CDC42BPB: variants seen among roughly 807,000 people sequenced by gnomAD.
CDC42BPB encodes the protein CDC42 binding protein kinase beta.
A neutral mutation model predicts 214.9 loss-of-function variants in CDC42BPB; 37 were observed. The ratio of observed to expected loss-of-function variants is 0.17; its 90% CI spans 0.13 to 0.23. The LOEUF (loss-of-function observed/expected upper bound fraction) is 0.23, where lower values mean the gene tolerates loss of function less well. Ranked by LOEUF, CDC42BPB falls within the 10% of genes least tolerant of loss-of-function variation. The pLI is 1.00. For missense variants in CDC42BPB, 1,694 were observed against 2,227.0 expected, an observed-to-expected ratio of 0.76 and a Z score of 4.82; for synonymous variants, 931 against 884.0, an observed-to-expected ratio of 1.05 and a Z score of -0.94.
intron 27 of CDC42BPB, chr14:102,946,902 T>TG: frequency 1.0e-6 from 1 of 983,742 alleles, no homozygotes; most frequent in Non-Finnish European, 1.2e-6. Context: ...TGAGATCGCT[T>TG]CCTGGTCCCA....
intron 1 of CDC42BPB, among the ~76,000 whole-genome samples, chr14:103,018,720 G>T (rs570337995): frequency 6.6e-6 from 1 of 152,192 alleles, no homozygotes; most frequent in South Asian, 2.1e-4. Flanking sequence ...ATTACATCAC[G>T]TAGTTAGTGC....
At chr14:102,942,336 G>A (rs537847804) in intron 30 of CDC42BPB, among the ~76,000 whole-genome samples, 3 of 152,344 alleles carry the variant, frequency 2.0e-5, no homozygotes, top group South Asian at 2.1e-4. Flanking sequence ...GTCTAGCCAC[G>A]ACGCCCTGGG....
rs564439648 is a variant in CDC42BPB at position 102,934,167 on chromosome 14, T to C, written c.5005-324A>G. ...ATCCCAGCACTTTGGGAGGCCAAGG[T>C]GGGTGGATCACACTTGAGGTCAGGA... On this transcript the variant is annotated intron_variant, in intron 36 of 36. Coordinates refer to ENST00000361246, the MANE Select transcript of CDC42BPB (RefSeq NM_006035.4). 8.8e-5 allele frequency: 32 copies of C among 363,312 alleles called. No homozygotes were observed. In the East Asian group the frequency reaches 2.8e-3, roughly 31 times the overall value. The allele number at this position is 363,312 out of a possible 1,614,324, so 22.5% of individuals were successfully genotyped here. A position where few individuals can be genotyped will look rare whatever the true frequency, so the allele number is the denominator to read the frequency against.
At chr14:102,937,471 GGA>G (rs1202767655) in intron 36 of CDC42BPB, among the ~76,000 whole-genome samples, 1 of 152,242 alleles carries the variant, frequency 6.6e-6, no homozygotes, top group East Asian at 1.9e-4. Context: ...GATGTGTGGT[GGA>G]GAGATGAGCA....
intron 5 of CDC42BPB, among the ~76,000 whole-genome samples, chr14:102,998,326 T>C (rs1894832462): frequency 1.3e-5 from 2 of 152,174 alleles, no homozygotes; most frequent in Admixed American, 6.5e-5. Flanking sequence ...TTAAGACACA[T>C]GAAGGCAGAT....
At chr14:102,947,865 C>T (rs555782490) in intron 26 of CDC42BPB, 63 bp from the exon 27 acceptor site, 24 of 1,600,032 alleles carry the variant, frequency 1.5e-5, no homozygotes, top group Admixed American at 6.7e-5. Flanking sequence ...GGCCCTCCCA[C>T]GCCCTGCCCT....
chr14:102,954,641 C>G lies in CDC42BPB; in HGVS notation c.2949G>C (p.Ala983=), dbSNP rs149077999. ...ATGCAGCCACAGACATCGACGGGGA[C>G]GCTTCTGGCTTCGGAGCTTGTGTTT... ...EQETQAPKPE[A]SPSMSVAASE... is the part of the protein sequence containing the mutation. Residue 983 remains alanine (A), a synonymous_variant, in exon 22 of 37, where the codon GCG becomes GCC. Coordinates refer to ENST00000361246, the MANE Select transcript of CDC42BPB (RefSeq NM_006035.4). The G allele has an allele frequency of 6.2e-7, 1 of 1,613,996 alleles. No homozygotes were observed. Among genetic ancestry groups the G allele is most frequent in the South Asian group, 1.1e-5 (1 of 91,064 alleles).
At position 102,938,113 on chromosome 14, in the gene CDC42BPB, A is replaced by C; in HGVS notation, c.4995T>G (p.Phe1665Leu). Residue 1665 changes from phenylalanine (F) to leucine (L), a missense_variant, in exon 36 of 37, where the codon TTT (phenylalanine) becomes TTG (leucine). Coordinates refer to ENST00000361246, the MANE Select transcript of CDC42BPB (RefSeq NM_006035.4). ...LRSMSDPDQD[F>L]DKEPDSDSTK... ...CCTGGGCAAGTCTCACCTCTTTGTCAAAGTCCTGGTCTGGATCAGACATAC... is the reference window on the plus strand; with the variant it reads ...CCTGGGCAAGTCTCACCTCTTTGTCCAAGTCCTGGTCTGGATCAGACATAC... 1 of 1,613,970 alleles carries C rather than the reference A, an allele frequency of 6.2e-7. No individual in the cohort carries two copies. Among genetic ancestry groups the C allele is most frequent in the African/African-American group, 1.3e-5 (1 of 75,054 alleles).
At chr14:102,996,425 C>G (rs1894740521) in intron 5 of CDC42BPB, among the ~76,000 whole-genome samples, 3 of 152,140 alleles carry the variant, frequency 2.0e-5, no homozygotes, top group Admixed American at 6.5e-5. Context: ...ACTAATTTCC[C>G]TGGAGATCTG....
In CDC42BPB at chr14:102,954,288, C is replaced by A. The variant is rs1290046685; in HGVS notation, c.2989-13G>T. The A allele has an allele frequency of 6.6e-7, 1 of 1,518,098 alleles. No homozygotes were observed. The highest frequency in any genetic ancestry group is 8.8e-7 in the Non-Finnish European group (1 of 1,135,060). The allele number at this position is 1,518,098 out of a possible 1,614,324, so 94.0% of individuals were successfully genotyped here. On this transcript the variant is annotated splice_polypyrimidine_tract_variant and intron_variant, in intron 22 of 36. Transcript: ENST00000361246. The stretch of plus-strand genomic sequence containing the variant: ...GCCGAGCCATGTCCTGGGAGACAAG[C>A]AGGACAGGTGAGTGTCGGCCCAGCT...
At chr14:102,954,824 T>G in intron 21 of CDC42BPB, 136 bp from the exon 22 acceptor site, 2 of 1,441,670 alleles carry the variant, frequency 1.4e-6, no homozygotes, top group Non-Finnish European at 9.2e-7. Context: ...TCCTGGATCC[T>G]ATCACCCCTT....
At position 103,004,301 on chromosome 14, in the gene CDC42BPB, A is replaced by G; in HGVS notation, c.352-278T>C. 1.6e-6 allele frequency: 1 copy of G among 609,802 alleles called. No individual in the cohort carries two copies. The highest frequency in any genetic ancestry group is 6.3e-5 in the East Asian group (1 of 15,756). The allele number at this position is 609,802 out of a possible 1,614,324, so 37.8% of individuals were successfully genotyped here. ...TGTGGCTGACACTTAGATTCACCCC[A>G]CCCTTATGTGGATTCCTGACTGGGC... On this transcript the variant is annotated intron_variant, in intron 3 of 36. Coordinates refer to ENST00000361246, the MANE Select transcript of CDC42BPB (RefSeq NM_006035.4). This position sits in a 1 kb window ranked among gnomAD's most constrained non-coding sequence, Gnocchi z 5.3.
At position 102,933,728 on chromosome 14, in the gene CDC42BPB, G is replaced by C; in HGVS notation, c.5120C>G (p.Pro1707Arg). ...SQLPLEGLEQ[P>R]ACDT ...CTGGCGGCTTCAGGTGTCACAGGCC[G>C]GCTGCTCCAGGCCTTCGAGGGGGAG... The change falls in exon 37 of 37, where the codon CCG (proline) becomes CGG (arginine). Residue 1707 changes from proline to arginine, a missense_variant. Physicochemically the swap from Pro to Arg is moderately radical, Grantham distance 103 (BLOSUM62 -2). Coordinates refer to ENST00000361246, the MANE Select transcript of CDC42BPB (RefSeq NM_006035.4). 1.4e-6 allele frequency: 2 copies of C among 1,479,648 alleles called. No homozygotes were observed. The highest frequency in any genetic ancestry group is 1.8e-6 in the Non-Finnish European group (2 of 1,130,226). 91.7% of individuals were successfully genotyped at this position (1,479,648 alleles called of 1,614,324 possible).
intron 20 of CDC42BPB, 138 bp from the exon 21 acceptor site, chr14:102,959,848 A>AAG: frequency 2.3e-6 from 3 of 1,306,390 alleles, no homozygotes; most frequent in Non-Finnish European, 2.9e-6. Context: ...TAAAAAAAAA[A>AAG]AAAAAAAAAA....
chr14:103,016,022 G>A (rs1047983806), intron 1 of CDC42BPB, among the ~76,000 whole-genome samples: 1 of 152,090 alleles, frequency 6.6e-6, no homozygotes, highest in South Asian at 2.1e-4. Context: ...GGCCGAGGCT[G>A]GAATTTTTAA....
At chr14:103,018,305 G>A in intron 1 of CDC42BPB, among the ~76,000 whole-genome samples, 1 of 152,154 alleles carries the variant, frequency 6.6e-6, no homozygotes, top group East Asian at 1.9e-4. Flanking sequence ...GCAAACAGCT[G>A]GGGGAGGAGA....
chr14:102,962,648 C>T (rs1281839537), intron 20 of CDC42BPB, among the ~76,000 whole-genome samples: 2 of 152,116 alleles, frequency 1.3e-5, no homozygotes, highest in African/African-American at 4.8e-5. Context: ...TCAGGAGTTG[C>T]AGACCAGCCT....
chr14:103,000,385 C>T (rs1347745466), intron 4 of CDC42BPB, among the ~76,000 whole-genome samples: 1 of 152,256 alleles, frequency 6.6e-6, no homozygotes, highest in African/African-American at 2.4e-5. Flanking sequence ...TGCCTGAGGA[C>T]AGCCTGTCTC....
At chr14:103,012,691 G>T (rs532051773) in intron 1 of CDC42BPB, among the ~76,000 whole-genome samples, 3 of 152,102 alleles carry the variant, frequency 2.0e-5, no homozygotes, top group African/African-American at 7.2e-5. Flanking sequence ...TGTAATCTCA[G>T]CTACTCAGGA....
Sources: allele counts gnomAD v4.1 joint callset (sites outside exome capture counted in the v4.1 genomes callset), GRCh38; gene constraint gnomAD v4.1.1; non-coding constraint Gnocchi (gnomAD v3.1); transcripts MANE v1.5; gene names NCBI Gene and HGNC (gene_info 2026-07-23, HGNC 2026-07-21).